PSPC1: variants seen among roughly 807,000 people sequenced by gnomAD.
PSPC1 encodes paraspeckle component 1, also known as paraspeckle protein 1.
A neutral mutation model predicts 51.6 loss-of-function variants in PSPC1; 14 were observed. The observed-to-expected ratio is 0.27, with a 90% CI of 0.18 to 0.42. PSPC1 has a LOEUF of 0.42. PSPC1 is among the 10% of genes least tolerant of loss of function. The probability of loss-of-function intolerance (pLI) is 1.00; values close to 1 mark genes in which losing one functional copy is unlikely to be tolerated. For synonymous variants in PSPC1, 193 were observed against 231.9 expected (o/e 0.83, Z 1.53); for missense variants, 406 against 701.1 (o/e 0.58, Z 4.75).
downstream of PSPC1, chr13:19,673,198 G>A: frequency 2.3e-6 from 1 of 440,134 alleles, no homozygotes; most frequent in Middle Eastern, 3.4e-4. Context: ...CAGCTGTGTG[G>A]GAGCCACCAC....
At chr13:19,671,972 T>A, downstream of PSPC1, 1 of 1,302,600 alleles carries the variant, frequency 7.7e-7, no homozygotes, top group Non-Finnish European at 1.1e-6. Flanking sequence ...ATGTAAAGTT[T>A]TGTCTGTAAA....
chr13:19,774,356 C>A (rs996628541), intron 1 of PSPC1, among the ~76,000 whole-genome samples: 3 of 152,194 alleles, frequency 2.0e-5, no homozygotes, highest in Admixed American at 2.0e-4. Context: ...GCTCTTTATT[C>A]AATCCCTAAA....
At chr13:19,752,431 T>C (rs1386877362) in intron 3 of PSPC1, among the ~76,000 whole-genome samples, 1 of 152,096 alleles carries the variant, frequency 6.6e-6, no homozygotes, top group African/African-American at 2.4e-5. Context: ...TACATATATA[T>C]GTAAATATTT....
chr13:19,749,516 G>C (rs1301631846), intron 4 of PSPC1, among the ~76,000 whole-genome samples: 7 of 139,222 alleles, frequency 5.0e-5, no homozygotes, highest in Non-Finnish European at 7.6e-5. Context: ...GACAGAGTGA[G>C]ATTCTGTCTC....
chr13:19,729,680 T>A (rs542122554), intron 6 of PSPC1, among the ~76,000 whole-genome samples: 1 of 152,136 alleles, frequency 6.6e-6, no homozygotes, highest in South Asian at 2.1e-4. Flanking sequence ...TGGGCTTTAA[T>A]TAGTTAAGAT....
At chr13:19,769,127 AG>A (rs1949218115) in intron 2 of PSPC1, among the ~76,000 whole-genome samples, 1 of 150,736 alleles carries the variant, frequency 6.6e-6, no homozygotes, top group South Asian at 2.1e-4. Context: ...TGACACATTA[AG>A]ACTCTGCCTC....
At chr13:19,677,030 C>G (rs553177018) in intron 7 of PSPC1, among the ~76,000 whole-genome samples, 278 of 152,076 alleles carry the variant, frequency 1.8e-3, no homozygotes, top group Non-Finnish European at 2.8e-3. Context: ...GTCAGGAGAT[C>G]GAGACCATCC....
In PSPC1 at chr13:19,702,944, G is replaced by C; in HGVS notation, c.*231C>G. On this transcript the variant is annotated 3_prime_UTR_variant, in exon 9 of 9. Coordinates refer to ENST00000338910, the MANE Select transcript of PSPC1 (RefSeq NM_001354909.2). The stretch of plus-strand genomic sequence containing the variant: ...CAGTACTATGGAATACTTATATTTA[G>C]CTAAAGTCACAAACACATTTCAACA... 5.2e-6 allele frequency: 2 copies of C among 386,704 alleles called. No individual in the cohort carries two copies. Among genetic ancestry groups the C allele is most frequent in the Non-Finnish European group, 9.8e-6 (2 of 204,520 alleles). The allele number at this position is 386,704 out of a possible 1,614,324, so 24.0% of individuals were successfully genotyped here.
At chr13:19,731,079 T>C (rs753038102) in intron 5 of PSPC1, among the ~76,000 whole-genome samples, 17 of 150,360 alleles carry the variant, frequency 1.1e-4, no homozygotes, top group Middle Eastern at 3.2e-3. Flanking sequence ...AAAACCACAA[T>C]GCCTAGACAA....
chr13:19,755,277 T>C (rs992212349), intron 3 of PSPC1, among the ~76,000 whole-genome samples: 4 of 151,030 alleles, frequency 2.6e-5, no homozygotes, highest in African/African-American at 9.7e-5. Context: ...AGAAATAGCA[T>C]TGCAAAGGAA....
intron 6 of PSPC1, among the ~76,000 whole-genome samples, chr13:19,718,187 A>G (rs1882354490): frequency 6.6e-6 from 1 of 152,226 alleles, no homozygotes; most frequent in Non-Finnish European, 1.5e-5. Context: ...ATTAAAAACA[A>G]CAATTTCCAA....
intron 6 of PSPC1, among the ~76,000 whole-genome samples, chr13:19,686,264 C>T (rs1877864885): frequency 6.6e-6 from 1 of 152,154 alleles, no homozygotes; most frequent in Admixed American, 6.5e-5. Context: ...AGAGCAATCT[C>T]CGTCCCAAGG....
intron 6 of PSPC1, among the ~76,000 whole-genome samples, chr13:19,694,178 T>TACACAC (rs373687009): frequency 8.4e-6 from 1 of 118,704 alleles, no homozygotes; most frequent in Non-Finnish European, 1.7e-5. Flanking sequence ...CATACACACA[T>TACACAC]ACACACACAC....
intron 2 of PSPC1, among the ~76,000 whole-genome samples, chr13:19,763,069 C>A (rs1001629050): frequency 6.6e-6 from 1 of 151,750 alleles, no homozygotes; most frequent in Admixed American, 6.6e-5. Context: ...CGCGGCATTG[C>A]ACTCTAGCCT....
intron 5 of PSPC1, among the ~76,000 whole-genome samples, chr13:19,733,427 G>T (rs1333349201): frequency 2.6e-5 from 4 of 152,024 alleles, no homozygotes; most frequent in Non-Finnish European, 5.9e-5. Context: ...GAAGGTGGGA[G>T]GATCACTTGA....
chr13:19,753,270 C>A (rs1460932339), intron 3 of PSPC1, among the ~76,000 whole-genome samples: 2 of 114,414 alleles, frequency 1.7e-5, no homozygotes, highest in African/African-American at 7.3e-5. Flanking sequence ...GCAACAAGAG[C>A]AAGACTCCAT....
downstream of PSPC1, among the ~76,000 whole-genome samples, chr13:19,700,458 TA>T (rs1184540834): frequency 6.6e-6 from 1 of 151,340 alleles, no homozygotes; most frequent in African/African-American, 2.4e-5. Flanking sequence ...CACAGAAAAA[TA>T]AAAAAAACCT....
At chr13:19,745,461 TAAGAC>T (rs1885870929) in intron 4 of PSPC1, among the ~76,000 whole-genome samples, 1 of 152,178 alleles carries the variant, frequency 6.6e-6, no homozygotes, top group African/African-American at 2.4e-5. Flanking sequence ...TGCTAGACTG[TAAGAC>T]AGTGTTTTCT....
intron 5 of PSPC1, among the ~76,000 whole-genome samples, chr13:19,739,867 A>G (rs1350533107): frequency 2.0e-5 from 3 of 151,864 alleles, no homozygotes; most frequent in Admixed American, 1.3e-4. Flanking sequence ...TTGTTTAAAA[A>G]AAAAAAAAAA....
Sources: allele counts gnomAD v4.1 joint callset (sites outside exome capture counted in the v4.1 genomes callset), GRCh38; gene constraint gnomAD v4.1.1; transcripts MANE v1.5; gene names NCBI Gene and HGNC (gene_info 2026-07-23, HGNC 2026-07-21).